The following ZNF442 variants were observed in gnomAD, a reference collection of about 807,000 sequenced individuals.
The protein encoded by ZNF442 is zinc finger protein 442.
Under a neutral mutation model 57.0 loss-of-function variants are expected in ZNF442, and 45 were observed. The ratio of observed to expected loss-of-function variants is 0.79; its 90% CI spans 0.62 to 1.01. The LOEUF is 1.01. Among genes scored for constraint, ZNF442 ranks in the 50% least tolerant of loss-of-function variants. The pLI, the probability that ZNF442 is intolerant of heterozygous loss-of-function variation, is 0.00. For synonymous variants in ZNF442, 213 were observed against 241.8 expected, an observed-to-expected ratio of 0.88 and a Z score of 1.10; for missense variants, 690 against 756.5, an observed-to-expected ratio of 0.91 and a Z score of 1.03.
chr19:12,367,680 T>A (rs560601755), upstream of ZNF442, among the ~76,000 whole-genome samples: 1 of 152,010 alleles, frequency 6.6e-6, no homozygotes, highest in Non-Finnish European at 1.5e-5. Flanking sequence ...TATATATATT[T>A]TTTTGAGACA....
intron 3 of ZNF442, among the ~76,000 whole-genome samples, chr19:12,362,049 T>C (rs533902666): frequency 3.9e-5 from 6 of 152,284 alleles, no homozygotes; most frequent in African/African-American, 1.4e-4. Flanking sequence ...TGGAGTGCAA[T>C]GGCGTGATCT....
At position 12,346,909 on chromosome 19, in the gene ZNF442, G is replaced by A. The variant is rs1162591158; in HGVS notation, c.*2792C>T. 6.6e-6 allele frequency: 1 copy of A among 152,224 alleles called. No homozygotes were observed. The highest frequency in any genetic ancestry group is 1.5e-5 in the Non-Finnish European group (1 of 68,038). 9.4% of individuals were successfully genotyped at this position (152,224 alleles called of 1,614,324 possible). A position where few individuals can be genotyped will look rare whatever the true frequency, so the allele number is the denominator to read the frequency against. On this transcript the variant is annotated 3_prime_UTR_variant, in exon 6 of 6. Coordinates refer to ENST00000242804, the MANE Select transcript of ZNF442 (RefSeq NM_030824.3). ...ATAGTCAAATTCACAGACAGAGAAAGTAGAATGGAGATTTTCAGTACTTTG... is the reference window on the plus strand; with the variant it reads ...ATAGTCAAATTCACAGACAGAGAAAATAGAATGGAGATTTTCAGTACTTTG...
intron 3 of ZNF442, among the ~76,000 whole-genome samples, chr19:12,354,051 T>C (rs1165389462): frequency 1.3e-5 from 2 of 152,188 alleles, no homozygotes; most frequent in African/African-American, 4.8e-5. Flanking sequence ...CTGTTTCATT[T>C]AAATCATCTA....
intron 4 of ZNF442, 83 bp downstream of exon 4, chr19:12,352,905 G>C: frequency 6.6e-7 from 1 of 1,518,476 alleles, no homozygotes; most frequent in South Asian, 1.2e-5. Context: ...TCCCCTTTCG[G>C]TATTTCAAAT....
chr19:12,373,412 C>T, the ZNF442 span, among the ~76,000 whole-genome samples: 1 of 152,254 alleles, frequency 6.6e-6, no homozygotes, highest in South Asian at 2.1e-4. Context: ...CATGGTGGCG[C>T]ACACCTATAG....
chr19:12,350,181 G>C lies in ZNF442; in HGVS notation c.1404C>G (p.Ala468=). ...EKPYKCKCGK[A]FIDFYSFQNH... ...TTTGAAAGGAATAGAAATCAATAAAGGCTTTCCCACATTTACATTTATAGG... is the reference window on the plus strand; with the variant it reads ...TTTGAAAGGAATAGAAATCAATAAACGCTTTCCCACATTTACATTTATAGG... The change falls in exon 6 of 6, where the codon GCC becomes GCG. Residue 468 remains alanine, a synonymous_variant. Transcript: ENST00000242804. 1.9e-6 allele frequency: 3 copies of C among 1,613,908 alleles called. No individual in the cohort carries two copies. The highest frequency in any genetic ancestry group is 1.7e-6 in the Non-Finnish European group (2 of 1,179,970).
intron 2 of ZNF442, among the ~76,000 whole-genome samples, chr19:12,364,033 GTTTGTTTT>G (rs1969487196): frequency 6.6e-6 from 1 of 151,982 alleles, no homozygotes; most frequent in African/African-American, 2.4e-5. Context: ...AGGTTTTTTT[GTTTGTTTT>G]TTTGTTTTTT....
intron 4 of ZNF442, 101 bp downstream of exon 4, chr19:12,352,887 C>CA: frequency 7.1e-7 from 1 of 1,411,778 alleles, no homozygotes; most frequent in Non-Finnish European, 9.6e-7. Context: ...GTTGAAGGGT[C>CA]AACTATATCC....
intron 2 of ZNF442, 141 bp from the exon 3 acceptor site, chr19:12,363,812 T>G: frequency 1.7e-6 from 1 of 605,870 alleles, no homozygotes; most frequent in Non-Finnish European, 3.0e-6. Flanking sequence ...GGCTGCTCAC[T>G]GGGAGAAATG....
At position 12,349,870 on chromosome 19, in the gene ZNF442, T is replaced by A. The variant is rs755920348; in HGVS notation, c.1715A>T (p.Tyr572Phe). The A allele has an allele frequency of 6.2e-7, 1 of 1,613,990 alleles. No homozygotes were observed. Among genetic ancestry groups the A allele is most frequent in the Non-Finnish European group, 8.5e-7 (1 of 1,179,960 alleles). ...HERIHTGKKS[Y>F]ECQQCGKAFT... ...GGCTTTACCACATTGTTGACATTCA[T>A]AAGATTTCTTTCCAGTGTGAATTCT... The change falls in exon 6 of 6, where the codon TAT becomes TTT. Residue 572 changes from tyrosine (Y) to phenylalanine (F), a missense_variant. Coordinates refer to ENST00000242804, the MANE Select transcript of ZNF442 (RefSeq NM_030824.3).
the ZNF442 span, among the ~76,000 whole-genome samples, chr19:12,372,626 G>GT: frequency 6.6e-6 from 1 of 152,116 alleles, no homozygotes; most frequent in Non-Finnish European, 1.5e-5. Context: ...ACCTTGATGT[G>GT]TTTTTTTCTG....
chr19:12,356,637 A>AAAAAAAAAAAGT (rs1969334805), intron 3 of ZNF442, among the ~76,000 whole-genome samples: 1 of 148,462 alleles, frequency 6.7e-6, no homozygotes, highest in African/African-American at 2.6e-5. Context: ...CAAAAAAAAA[A>AAAAAAAAAAAGT]GAGAGAGAGA....
At chr19:12,356,816 C>G (rs767471603) in intron 3 of ZNF442, among the ~76,000 whole-genome samples, 1 of 134,710 alleles carries the variant, frequency 7.4e-6, no homozygotes, top group Non-Finnish European at 1.7e-5. Context: ...CATAAACACA[C>G]ACACATACAT....
intron 5 of ZNF442, 117 bp downstream of exon 5, chr19:12,351,893 T>C (rs1969244386): frequency 3.7e-6 from 3 of 816,244 alleles, no homozygotes; most frequent in Non-Finnish European, 1.9e-6. Flanking sequence ...GAAAATTGTA[T>C]AGGAATAAAT....
upstream of ZNF442, among the ~76,000 whole-genome samples, chr19:12,370,159 T>C (rs1969569182): frequency 2.6e-5 from 4 of 151,640 alleles, no homozygotes; most frequent in African/African-American, 9.7e-5. Context: ...CAGCTCGCCA[T>C]ACTATAGAAT....
intron 4 of ZNF442, among the ~76,000 whole-genome samples, chr19:12,352,730 A>G (rs544511184): frequency 6.6e-6 from 1 of 152,226 alleles, no homozygotes; most frequent in Admixed American, 6.5e-5. Flanking sequence ...ATAGTATGCA[A>G]TATATGTGAC....
chr19:12,361,972 T>G (rs1969436061), intron 3 of ZNF442, among the ~76,000 whole-genome samples: 2 of 152,228 alleles, frequency 1.3e-5, no homozygotes, highest in Admixed American at 1.3e-4. Context: ...TCTGCCAGCC[T>G]CGGCCTCCCG....
In ZNF442 at chr19:12,349,767, C is replaced by T. The variant is rs752200505; in HGVS notation, c.1818G>A (p.Gly606=). The change falls in exon 6 of 6, where the codon GGG becomes GGA. Residue 606 remains glycine (G), a synonymous_variant. Transcript: ENST00000242804. ...GEKMHECKEC[G]KALSSLSSLH... is the part of the protein sequence containing the mutation. ...AGGAACTGAGAGAACTCAGTGCCTTCCCACATTCCTTACATTCATGCATCT... is the reference window on the plus strand; with the variant it reads ...AGGAACTGAGAGAACTCAGTGCCTTTCCACATTCCTTACATTCATGCATCT... 2.4e-5 allele frequency: 39 copies of T among 1,614,164 alleles called. No homozygotes were observed. The highest frequency in any genetic ancestry group is 3.3e-5 in the Non-Finnish European group (39 of 1,180,006).
intron 3 of ZNF442, among the ~76,000 whole-genome samples, chr19:12,359,835 G>A (rs545890019): frequency 1.2e-4 from 18 of 152,064 alleles, no homozygotes; most frequent in Non-Finnish European, 2.2e-4. Context: ...AAAATTAGCC[G>A]GGCGTAGTGG....
Sources: gnomAD v4.1 joint callset for allele counts (sites outside exome capture counted in the v4.1 genomes callset) on GRCh38, gnomAD v4.1.1 for gene constraint, MANE v1.5 for transcripts, NCBI Gene and HGNC (gene_info 2026-07-23, HGNC 2026-07-21) for gene names.